TNNT1: variants seen among roughly 807,000 people sequenced by gnomAD.
TNNT1 encodes troponin T, slow skeletal muscle.
A neutral mutation model predicts 50.6 loss-of-function variants in TNNT1; 53 were observed. The observed-to-expected ratio is 1.05, with a 90% CI of 0.84 to 1.32. The LOEUF (loss-of-function observed/expected upper bound fraction) is 1.32. TNNT1 is among the 40% of genes most tolerant of loss of function. The pLI is 0.00. For missense variants in TNNT1, 348 were observed against 381.7 expected, an observed-to-expected ratio of 0.91 and a Z score of 0.74; for synonymous variants, 142 against 138.0, an observed-to-expected ratio of 1.03 and a Z score of -0.20.
At chr19:55,147,695 A>G (rs140017071) in intron 1 of TNNT1, among the ~76,000 whole-genome samples, 11,069 of 41,164 alleles carry the variant, frequency 0.27, 1,610 homozygotes, top group African/African-American at 0.52. Flanking sequence ...GGACTCCTGG[A>G]TCTGAGGGAG....
chr19:55,147,522 G>A (rs2085591686), intron 1 of TNNT1, among the ~76,000 whole-genome samples: 1 of 147,710 alleles, frequency 6.8e-6, no homozygotes. Context: ...AGGAGGGACT[G>A]GGGTCCTGAA....
At chr19:55,144,077 T>C (rs2085505915) in intron 6 of TNNT1, among the ~76,000 whole-genome samples, 1 of 149,172 alleles carries the variant, frequency 6.7e-6, no homozygotes, top group Non-Finnish European at 1.5e-5. Flanking sequence ...ACCCCCTTTT[T>C]TTTTTTTTGA....
intron 5 of TNNT1, 126 bp downstream of exon 5, chr19:55,146,308 G>A (rs1028118845): frequency 6.9e-5 from 40 of 583,920 alleles, no homozygotes; most frequent in African/African-American, 6.4e-4. Context: ...TTAAAGGACC[G>A]GGCCTGGGGG....
At chr19:55,133,551 A>G (rs551561872) in intron 13 of TNNT1, 62 of 410,904 alleles carry the variant, frequency 1.5e-4, no homozygotes, top group Non-Finnish European at 2.6e-4. Flanking sequence ...GGTGGCGCGC[A>G]CCTGTAATCC....
intron 9 of TNNT1, 89 bp downstream of exon 9, chr19:55,140,794 G>T: frequency 1.4e-6 from 1 of 707,382 alleles, no homozygotes; most frequent in Admixed American, 3.0e-5. Context: ...AATAATAATA[G>T]TAATAATAAT....
intron 7 of TNNT1, 134 bp downstream of exon 7, chr19:55,141,723 G>T: frequency 1.0e-6 from 1 of 973,924 alleles, no homozygotes; most frequent in Non-Finnish European, 1.6e-6. Context: ...ACCTCAGGTG[G>T]GTCACCTCAG....
At position 55,147,168 on chromosome 19, in the gene TNNT1, C is replaced by T. The variant is rs1377723162; in HGVS notation, c.-11G>A. 1 of 1,613,252 alleles carries T rather than the reference C, an allele frequency of 6.2e-7. No individual in the cohort carries two copies. The highest frequency in any genetic ancestry group is 8.5e-7 in the Non-Finnish European group (1 of 1,179,658). On this transcript the variant is annotated splice_region_variant and 5_prime_UTR_variant, in exon 2 of 14. Coordinates refer to ENST00000588981, the MANE Select transcript of TNNT1 (RefSeq NM_003283.6). ...CTCGGTGTCCGACATCCTGGTGCGGCCTAAGGACCAGAGAGAAGAGGCCCA... is the reference window on the plus strand; with the variant it reads ...CTCGGTGTCCGACATCCTGGTGCGGTCTAAGGACCAGAGAGAAGAGGCCCA...
At chr19:55,146,573 G>A (rs1244991457) in intron 4 of TNNT1, 107 bp from the exon 5 acceptor site, 16 of 1,191,098 alleles carry the variant, frequency 1.3e-5, no homozygotes, top group Middle Eastern at 3.0e-4. Context: ...GCTGTTAGAG[G>A]ACCGGGAGCC....
intron 13 of TNNT1, 98 bp from the exon 14 acceptor site, chr19:55,133,058 T>C (rs1271670332): frequency 1.4e-5 from 15 of 1,086,284 alleles, no homozygotes; most frequent in Non-Finnish European, 2.1e-5. Flanking sequence ...CCCAAAATAT[T>C]AGCCCTCCCT....
chr19:55,134,034 T>C, intron 12 of TNNT1, 32 bp downstream of exon 12: 1 of 1,599,978 alleles, frequency 6.3e-7, no homozygotes, highest in Non-Finnish European at 8.6e-7. Flanking sequence ...CCCTGCCCTC[T>C]CTCCCTCCCT....
intron 11 of TNNT1, among the ~76,000 whole-genome samples, chr19:55,135,811 G>A (rs916434469): frequency 6.6e-6 from 1 of 152,042 alleles, no homozygotes; most frequent in Non-Finnish European, 1.5e-5. Flanking sequence ...GTGAGCCGCC[G>A]CGCCCGCCCG....
chr19:55,137,912 C>A, intron 10 of TNNT1, 49 bp downstream of exon 10: 1 of 1,610,798 alleles, frequency 6.2e-7, no homozygotes, highest in South Asian at 1.1e-5. Flanking sequence ...TGGCCCCCAG[C>A]CCCTGCCCCC....
In TNNT1 at chr19:55,141,297, G is replaced by T. The variant is rs1599883441; in HGVS notation, c.198C>A (p.Ile66=). Reference sequence around the variant, plus strand: ...GGTCTTTCTCCATGCGCTTGCGGTGGATGTCCTGCAGGACACACGGGCAGC... The same window carrying T: ...GGTCTTTCTCCATGCGCTTGCGGTGTATGTCCTGCAGGACACACGGGCAGC... ...PEGERVDFDD[I]HRKRMEKDLL... Residue 66 remains isoleucine, a synonymous_variant, in exon 8 of 14, where the codon ATC becomes ATA. Coordinates refer to ENST00000588981, the MANE Select transcript of TNNT1 (RefSeq NM_003283.6). 1 of 1,613,904 alleles carries T rather than the reference G, an allele frequency of 6.2e-7. No individual in the cohort carries two copies. The highest frequency in any genetic ancestry group is 1.3e-5 in the African/African-American group (1 of 75,058).
At chr19:55,137,846 T>A in intron 10 of TNNT1, 115 bp downstream of exon 10, 2 of 1,300,124 alleles carry the variant, frequency 1.5e-6, no homozygotes, top group Non-Finnish European at 2.2e-6. Context: ...CAGCCCCTCC[T>A]CCCTCAGACC....
At chr19:55,143,032 G>A (rs1336916170) in intron 6 of TNNT1, among the ~76,000 whole-genome samples, 1 of 151,968 alleles carries the variant, frequency 6.6e-6, no homozygotes, top group Non-Finnish European at 1.5e-5. Context: ...AGCTGGGCAT[G>A]GTGGTACGTG....
rs766934517 is a variant in TNNT1 at position 55,137,960 on chromosome 19, C to G, written c.501+1G>C. 3.7e-6 allele frequency: 6 copies of G among 1,614,200 alleles called. No individual in the cohort carries two copies. The South Asian group carries it at 6.6e-5, about 18-fold the overall frequency. On this transcript the variant is annotated splice_donor_variant, in intron 10 of 13. Coordinates refer to ENST00000588981, the MANE Select transcript of TNNT1 (RefSeq NM_003283.6). LOFTEE classifies it high-confidence loss of function. Reference sequence around the variant, plus strand: ...CCTCAGGCTCCTGCAGGCTGACTCACCTTGACCAGGTAGCCGCCAAAATGG... The same window carrying G: ...CCTCAGGCTCCTGCAGGCTGACTCAGCTTGACCAGGTAGCCGCCAAAATGG...
intron 3 of TNNT1, 39 bp from the exon 4 acceptor site, chr19:55,146,746 G>A: frequency 6.8e-7 from 1 of 1,466,726 alleles, no homozygotes; most frequent in Non-Finnish European, 9.1e-7. Flanking sequence ...GTTAGGAGCT[G>A]GGGGAGGGAT....
At chr19:55,145,351 G>A (rs2085528298) in intron 6 of TNNT1, 193 bp downstream of exon 6, 2 of 615,814 alleles carry the variant, frequency 3.2e-6, no homozygotes, top group Non-Finnish European at 2.9e-6. Flanking sequence ...AAGAGGAAGT[G>A]GAGGAGGAGG....
chr19:55,147,065 C>G (rs879340859), intron 2 of TNNT1, 44 bp from the exon 3 acceptor site: 1 of 1,613,222 alleles, frequency 6.2e-7, no homozygotes, highest in Non-Finnish European at 8.5e-7. Context: ...GAGAGTTAGA[C>G]CTGGGGTGGG....
Sources: allele counts gnomAD v4.1 joint callset (sites outside exome capture counted in the v4.1 genomes callset), GRCh38; gene constraint gnomAD v4.1.1; transcripts MANE v1.5; gene names NCBI Gene and HGNC (gene_info 2026-07-23, HGNC 2026-07-21).